Variants in ATP6V1B2 observed in about 807,000 individuals in gnomAD.
ATP6V1B2 encodes the protein V-type proton ATPase subunit B, brain isoform.
ATP6V1B2 carries 23 observed loss-of-function variants against 66.7 expected under a neutral mutation model. The ratio of observed to expected loss-of-function variants is 0.34; its 90% CI spans 0.25 to 0.49. The LOEUF is 0.49. Ranked by LOEUF, ATP6V1B2 falls within the 20% of genes least tolerant of loss-of-function variation. ATP6V1B2 has a pLI of 0.99. For synonymous variants in ATP6V1B2, 278 were observed against 236.7 expected, an observed-to-expected ratio of 1.17 and a Z score of -1.60; for missense variants, 478 against 650.8, an observed-to-expected ratio of 0.73 and a Z score of 2.89.
In ATP6V1B2 at chr8:20,220,589, C is replaced by A; in HGVS notation, c.*187C>A. Reference sequence around the variant, plus strand: ...AAACTGCTAACAGACCTTAAAATATCCCCCTACCTGGGTCCTCAGTGCTAT... The same window carrying A: ...AAACTGCTAACAGACCTTAAAATATACCCCTACCTGGGTCCTCAGTGCTAT... On this transcript the variant is annotated 3_prime_UTR_variant, in exon 14 of 14. Transcript: ENST00000276390. The A allele has an allele frequency of 1.2e-6, 1 of 823,668 alleles. No homozygotes were observed. The highest frequency in any genetic ancestry group is 1.7e-6 in the Non-Finnish European group (1 of 578,854). The allele number at this position is 823,668 out of a possible 1,614,324, so 51.0% of individuals were successfully genotyped here. A position where few individuals can be genotyped will look rare whatever the true frequency, so the allele number is the denominator to read the frequency against.
intron 2 of ATP6V1B2, 152 bp from the exon 3 acceptor site, chr8:20,209,281 C>T (rs1263563544): frequency 4.6e-6 from 3 of 654,728 alleles, no homozygotes; most frequent in African/African-American, 3.6e-5. Flanking sequence ...CTTAAACTAC[C>T]TGAGGGTATT....
Position 20,214,844 on chromosome 8 carries a change from T to C in ATP6V1B2, c.954T>C (p.Pro318=), listed in dbSNP as rs1333741276. The C allele has an allele frequency of 1.9e-6, 3 of 1,612,464 alleles. No individual in the cohort carries two copies. The highest frequency in any genetic ancestry group is 2.7e-5 in the African/African-American group (2 of 74,822). The change falls in exon 10 of 14, where the codon CCT becomes CCC. Residue 318 remains proline (P), a synonymous_variant. Transcript: ENST00000276390. ...REVSAAREEV[P]GRRGFPGYMY... ...TTTCAGCAGCCAGGGAAGAGGTACC[T>C]GGTCGACGAGGTTTTCCAGGTTACA...
Position 20,215,844 on chromosome 8 carries a change from G to A in ATP6V1B2, c.1079-569G>A, listed in dbSNP as rs184325237. 73 of 152,364 alleles carry A rather than the reference G, an allele frequency of 4.8e-4. 1 individual carries two copies. Among genetic ancestry groups the A allele is most frequent in the African/African-American group, 1.7e-3 (72 of 41,534 alleles). 9.4% of individuals were successfully genotyped at this position (152,364 alleles called of 1,614,324 possible). A position where few individuals can be genotyped will look rare whatever the true frequency, so the allele number is the denominator to read the frequency against. On this transcript the variant is annotated intron_variant, in intron 10 of 13. Coordinates refer to ENST00000276390, the MANE Select transcript of ATP6V1B2 (RefSeq NM_001693.4). ...TTTTTGGTGCAGCCTGTGTAGTGTT[G>A]TTTACTTGTCTATATGCCTGCGTTT... is the stretch of plus-strand genomic sequence containing the variant.
At chr8:20,207,586 TAAAAAAG>T (rs1429094339) in intron 2 of ATP6V1B2, among the ~76,000 whole-genome samples, 1 of 151,178 alleles carries the variant, frequency 6.6e-6, no homozygotes, top group African/African-American at 2.4e-5. Context: ...TAAAATAAAA[TAAAAAAG>T]AAAAGACCGT....
At chr8:20,213,493 T>G (rs1302084483) in intron 9 of ATP6V1B2, 1 of 154,100 alleles carries the variant, frequency 6.5e-6, no homozygotes, top group Admixed American at 6.5e-5. Flanking sequence ...CACAAAAAAA[T>G]TAAGATATTG....
chr8:20,212,262 T>G (rs2128885932), intron 8 of ATP6V1B2, 63 bp downstream of exon 8: 1 of 1,514,368 alleles, frequency 6.6e-7, no homozygotes, highest in Non-Finnish European at 9.1e-7. Context: ...GTCTTAAGGT[T>G]GGGGAGGTAA....
chr8:20,200,920 G>A (rs1390644842), intron 1 of ATP6V1B2, among the ~76,000 whole-genome samples: 2 of 152,196 alleles, frequency 1.3e-5, no homozygotes, highest in South Asian at 2.1e-4. Flanking sequence ...GAGGCTAAAA[G>A]ACTAGGACAC....
chr8:20,207,677 T>C (rs1015771575), intron 2 of ATP6V1B2, among the ~76,000 whole-genome samples: 1 of 151,912 alleles, frequency 6.6e-6, no homozygotes, highest in Non-Finnish European at 1.5e-5. Context: ...GTATGTTTTA[T>C]TATGTAAAAA....
At chr8:20,200,404 T>A (rs2072674278) in intron 1 of ATP6V1B2, among the ~76,000 whole-genome samples, 1 of 152,208 alleles carries the variant, frequency 6.6e-6, no homozygotes, top group Non-Finnish European at 1.5e-5. Flanking sequence ...AGAATGTGCC[T>A]TGTAATTGTG....
At chr8:20,213,675 C>T (rs1015613780) in intron 9 of ATP6V1B2, 1 of 151,972 alleles carries the variant, frequency 6.6e-6, no homozygotes, top group African/African-American at 2.4e-5. Flanking sequence ...TAACAGTTAC[C>T]CCTAGAAGTT....
chr8:20,213,730 A>G (rs2072819414), intron 9 of ATP6V1B2: 1 of 152,068 alleles, frequency 6.6e-6, no homozygotes, highest in African/African-American at 2.4e-5. Flanking sequence ...ATTTTGAGTA[A>G]GTTACTTTTT....
chr8:20,210,073 T>TAC (rs1196262100), intron 3 of ATP6V1B2, among the ~76,000 whole-genome samples: 2 of 147,774 alleles, frequency 1.4e-5, no homozygotes, highest in Non-Finnish European at 3.0e-5. Flanking sequence ...AATATATATA[T>TAC]ATATAAACAT....
At chr8:20,209,611 C>G in intron 3 of ATP6V1B2, 80 bp downstream of exon 3, 1 of 1,307,468 alleles carries the variant, frequency 7.6e-7, no homozygotes, top group Non-Finnish European at 1.1e-6. Flanking sequence ...CTGTGATGAT[C>G]ATTGCATAAG....
chr8:20,214,225 A>G (rs1432703797), intron 9 of ATP6V1B2: 1 of 152,256 alleles, frequency 6.6e-6, no homozygotes, highest in Admixed American at 6.5e-5. Flanking sequence ...TCTAAGGGAA[A>G]GATCGTTTAT....
At position 20,197,481 on chromosome 8, in the gene ATP6V1B2, G is replaced by A; in HGVS notation, c.75G>A (p.Ala25=). Reference sequence around the variant, plus strand: ...TACCCGTGCCCACCGGTGGGCCGGCGGTGGGAGCTCGGGAGCAGGCGCTGG... The same window carrying A: ...TACCCGTGCCCACCGGTGGGCCGGCAGTGGGAGCTCGGGAGCAGGCGCTGG... ...PELPVPTGGP[A]VGAREQALAV... Residue 25 remains alanine (A), a synonymous_variant, in exon 1 of 14, where the codon GCG becomes GCA. Coordinates refer to ENST00000276390, the MANE Select transcript of ATP6V1B2 (RefSeq NM_001693.4). 6.6e-7 allele frequency: 1 copy of A among 1,517,914 alleles called. No homozygotes were observed. Among genetic ancestry groups the A allele is most frequent in the Non-Finnish European group, 8.8e-7 (1 of 1,133,972 alleles). 94.0% of individuals were successfully genotyped at this position (1,517,914 alleles called of 1,614,324 possible). A position where few individuals can be genotyped will look rare whatever the true frequency, so the allele number is the denominator to read the frequency against.
chr8:20,201,353 A>G (rs1212466633), intron 1 of ATP6V1B2, among the ~76,000 whole-genome samples: 2 of 152,324 alleles, frequency 1.3e-5, no homozygotes, highest in Middle Eastern at 3.4e-3. Flanking sequence ...TTTGACAGCC[A>G]TAGTTTAAAC....
At chr8:20,217,134 A>T in intron 11 of ATP6V1B2, 86 bp from the exon 12 acceptor site, 1 of 1,097,438 alleles carries the variant, frequency 9.1e-7, no homozygotes, top group Non-Finnish European at 1.4e-6. Flanking sequence ...AAGTTGTAAT[A>T]ATGAGTTTCA....
chr8:20,206,915 G>T (rs549234825), intron 2 of ATP6V1B2, among the ~76,000 whole-genome samples: 4 of 152,098 alleles, frequency 2.6e-5, no homozygotes. Flanking sequence ...GGTACAAAGC[G>T]ATTAGAAGGG....
intron 1 of ATP6V1B2, among the ~76,000 whole-genome samples, chr8:20,197,926 C>T (rs548707768): frequency 3.3e-5 from 5 of 152,328 alleles, no homozygotes; most frequent in African/African-American, 4.8e-5. Context: ...GTCGAGGGAA[C>T]GCCCCTTCTC....
Sources: gnomAD v4.1 joint callset for allele counts (sites outside exome capture counted in the v4.1 genomes callset) on GRCh38, gnomAD v4.1.1 for gene constraint, MANE v1.5 for transcripts, NCBI Gene and HGNC (gene_info 2026-07-23, HGNC 2026-07-21) for gene names.